Variants in DPP10 observed in about 807,000 individuals in gnomAD.
The protein encoded by DPP10 is dipeptidyl peptidase like 10, also known as inactive dipeptidyl peptidase 10.
Under a neutral mutation model 120.9 loss-of-function variants are expected in DPP10, and 33 were observed. That is an observed-to-expected ratio of 0.27 (90% CI 0.21 to 0.37). The LOEUF is 0.37. DPP10 is among the 10% of genes least tolerant of loss of function. The pLI is 1.00. For missense variants in DPP10, 816 were observed against 942.8 expected, an observed-to-expected ratio of 0.87 and a Z score of 1.76; for synonymous variants, 337 against 326.1, an observed-to-expected ratio of 1.03 and a Z score of -0.36.
intron 1 of DPP10, among the ~76,000 whole-genome samples, chr2:115,248,133 C>T (rs775721924): frequency 6.6e-6 from 1 of 152,184 alleles, no homozygotes; most frequent in Non-Finnish European, 1.5e-5. Context: ...TATAATCTCA[C>T]TAAAGACACC....
intron 1 of DPP10, among the ~76,000 whole-genome samples, chr2:115,087,271 T>G (rs911494649): frequency 6.6e-6 from 1 of 152,194 alleles, no homozygotes; most frequent in African/African-American, 2.4e-5. Context: ...TGTAGATTCC[T>G]TCAAGGAAGT....
intron 1 of DPP10, among the ~76,000 whole-genome samples, chr2:115,244,239 T>TATATATATATAGAGAG (rs1348001277): frequency 3.2e-5 from 3 of 93,476 alleles, no homozygotes; most frequent in African/African-American, 1.1e-4. Context: ...TATATATATA[T>TATATATATATAGAGAG]AGAGAGAGAG....
chr2:114,962,911 A>C (rs75025090), intron 1 of DPP10, among the ~76,000 whole-genome samples: 1,722 of 152,308 alleles, frequency 0.011, 32 homozygotes, highest in African/African-American at 0.039. Flanking sequence ...TAAAATCTTT[A>C]ATGTAAGATT....
At chr2:115,027,772 A>C (rs767885232) in intron 1 of DPP10, among the ~76,000 whole-genome samples, 1 of 152,070 alleles carries the variant, frequency 6.6e-6, no homozygotes, top group Non-Finnish European at 1.5e-5. Flanking sequence ...ACTTTTTATT[A>C]TGACTTCAAT....
rs566529821 is a variant in DPP10, at chr2:114,947,962, C to T, written c.61-361277C>T. Among the ~76,000 whole-genome samples, 18 of 152,064 alleles carry T rather than the reference C, an allele frequency of 1.2e-4. No homozygotes were observed. In the South Asian group the frequency reaches 3.7e-3, roughly 31 times the overall value. On this transcript the variant is annotated intron_variant, in intron 1 of 25. Transcript: ENST00000410059. ...TCTGTATACTCTGAATCATTTTAAT[C>T]TAAGATCTTATAGCTCTCTTTAGTT...
intron 4 of DPP10, among the ~76,000 whole-genome samples, chr2:115,511,701 T>TTTCTTCTTC (rs565620236): frequency 7.7e-6 from 1 of 130,362 alleles, no homozygotes; most frequent in African/African-American, 3.0e-5. Context: ...TTTTTTCTTC[T>TTTCTTCTTC]TTCTTCTTCT....
intron 21 of DPP10, among the ~76,000 whole-genome samples, chr2:115,827,312 C>CGTACATGTATATGTAT (rs1688426662): frequency 2.9e-5 from 1 of 34,710 alleles, no homozygotes; most frequent in South Asian, 1.4e-3. Flanking sequence ...TATATATACA[C>CGTACATGTATATGTAT]ATGTACATGT....
chr2:115,178,906 G>A (rs2053887986), intron 1 of DPP10, among the ~76,000 whole-genome samples: 1 of 152,124 alleles, frequency 6.6e-6, no homozygotes. Flanking sequence ...ACCTATTATG[G>A]GATTGTGGTT....
chr2:114,515,250 G>GACA (rs1684497363), intron 1 of DPP10, among the ~76,000 whole-genome samples: 1 of 152,072 alleles, frequency 6.6e-6, no homozygotes, highest in Admixed American at 6.5e-5. Flanking sequence ...TCTTTTCAGA[G>GACA]CCTAATTTGT....
At chr2:114,525,300 C>G (rs1392329778) in intron 1 of DPP10, among the ~76,000 whole-genome samples, 1 of 152,152 alleles carries the variant, frequency 6.6e-6, no homozygotes, top group African/African-American at 2.4e-5. Flanking sequence ...TTTTAGGCAC[C>G]TTAATGTAAA....
chr2:115,635,622 A>G, intron 5 of DPP10, among the ~76,000 whole-genome samples: 1 of 152,206 alleles, frequency 6.6e-6, no homozygotes, highest in Non-Finnish European at 1.5e-5. Context: ...TTAATGATTA[A>G]GTAGTAGCCG....
At chr2:115,612,183 A>G (rs1322282064) in intron 5 of DPP10, among the ~76,000 whole-genome samples, 5 of 152,142 alleles carry the variant, frequency 3.3e-5, no homozygotes, top group African/African-American at 4.8e-5. Context: ...CTAACTATGT[A>G]CTTGACTTGA....
intron 1 of DPP10, among the ~76,000 whole-genome samples, chr2:114,811,592 C>T (rs1442552328): frequency 6.6e-6 from 1 of 151,906 alleles, no homozygotes; most frequent in Admixed American, 6.6e-5. Flanking sequence ...ACTTCCATCA[C>T]CATCACCTCA....
intron 1 of DPP10, among the ~76,000 whole-genome samples, chr2:115,031,155 T>C (rs1047452716): frequency 1.6e-5 from 2 of 122,638 alleles, no homozygotes; most frequent in Admixed American, 8.6e-5. Flanking sequence ...GCCTCATAAT[T>C]TTTTTTCCTC....
chr2:115,780,962 C>T lies in DPP10; in HGVS notation c.1450C>T (p.Pro484Ser), dbSNP rs1282189702. 6.3e-6 allele frequency: 10 copies of T among 1,595,186 alleles called. No individual in the cohort carries two copies. The highest frequency in any genetic ancestry group is 1.7e-5 in the Admixed American group (1 of 59,504). The change falls in exon 16 of 26, where the codon CCC becomes TCC. Residue 484 changes from proline (P) to serine (S), a missense_variant. Pro to Ser is a moderately conservative substitution (Grantham distance 74). Around this residue, in one of 3 missense-constraint regions of DPP10, gnomAD observed 592 missense variants for 649.0 expected, o/e 0.91. Coordinates refer to ENST00000410059, the MANE Select transcript of DPP10 (RefSeq NM_020868.6). The part of the protein sequence containing the change: ...QCTYFDASFS[P>S]MNQHFLLFCE... ...TACATATTTTGATGCCAGTTTTAGT[C>T]CCATGAATCAACATTTCTTATTATT... is the stretch of plus-strand genomic sequence containing the variant.
At chr2:115,595,147 T>C (rs1254730710) in intron 5 of DPP10, among the ~76,000 whole-genome samples, 2 of 152,052 alleles carry the variant, frequency 1.3e-5, no homozygotes, top group Non-Finnish European at 2.9e-5. Flanking sequence ...AGGCAAATAT[T>C]TTAGAAAGCA....
chr2:114,492,325 G>C (rs1462510258), intron 1 of DPP10, among the ~76,000 whole-genome samples: 3 of 152,004 alleles, frequency 2.0e-5, no homozygotes, highest in Non-Finnish European at 4.4e-5. Flanking sequence ...GATGTTAAAA[G>C]CCCCTAGTGA....
chr2:115,587,640 A>G (rs1356690353), intron 5 of DPP10, among the ~76,000 whole-genome samples: 1 of 152,204 alleles, frequency 6.6e-6, no homozygotes, highest in African/African-American at 2.4e-5. Context: ...TAGAAACAAG[A>G]TTAGTGTCCA....
At chr2:114,703,002 G>T (rs1037455625) in intron 1 of DPP10, among the ~76,000 whole-genome samples, 3 of 152,044 alleles carry the variant, frequency 2.0e-5, no homozygotes, top group African/African-American at 7.2e-5. Flanking sequence ...GGGTGAGCAG[G>T]GTGGGAAGAA....
Sources: gnomAD v4.1 joint callset for allele counts (sites outside exome capture counted in the v4.1 genomes callset) on GRCh38, gnomAD v4.1.1 for gene constraint, gnomAD v4.1.1 regional missense constraint, MANE v1.5 for transcripts, NCBI Gene and HGNC (gene_info 2026-07-23, HGNC 2026-07-21) for gene names.